Variants in MSN observed in about 807,000 individuals in gnomAD.
The protein encoded by MSN is moesin, also known as epididymis luminal protein 70.
In MSN, 2 loss-of-function variants were observed where a neutral mutation model predicts 48.0. That is an observed-to-expected ratio of 0.04 (90% CI 0.02 to 0.13). The LOEUF is 0.13. Ranked by LOEUF, MSN falls within the 10% of genes least tolerant of loss-of-function variation. The pLI is 1.00. For missense variants in MSN, 267 were observed against 470.1 expected (o/e 0.57, Z 3.99); for synonymous variants, 146 against 166.9 (o/e 0.87, Z 0.97).
Position 65,618,979 on chromosome X carries a change from C to T in MSN, c.-22+30367C>T, listed in dbSNP as rs1482661086. Reference sequence around the variant, plus strand: ...CCTTCACTTATGAAGCTTAGTTTGGCTGGATATGAAATTCTGGGTTGAAAA... The same window carrying T: ...CCTTCACTTATGAAGCTTAGTTTGGTTGGATATGAAATTCTGGGTTGAAAA... On this transcript the variant is annotated intron_variant, in intron 1 of 3. Transcript: ENST00000609672. Among the ~76,000 whole-genome samples, 21 of 104,622 alleles carry T rather than the reference C, an allele frequency of 2.0e-4. No individual in the cohort carries two copies. The East Asian group carries it at 2.4e-3, about 12-fold the overall frequency. 90.9% of individuals were successfully genotyped at this position (104,622 alleles called of 115,157 possible).
intron 1 of MSN, among the ~76,000 whole-genome samples, chrX:65,688,683 T>G (rs1257117882): frequency 8.9e-6 from 1 of 112,052 alleles, no homozygotes; most frequent in Non-Finnish European, 1.9e-5. Flanking sequence ...GTCTCTCTTC[T>G]AAATATTGTA....
intron 1 of MSN, among the ~76,000 whole-genome samples, chrX:65,715,371 G>A (rs1232359001): frequency 8.9e-6 from 1 of 111,913 alleles, no homozygotes; most frequent in African/African-American, 3.3e-5. Context: ...GTCATTGGTA[G>A]TTTGATAGGA....
At chrX:65,611,926 T>C (rs2070323697) in intron 1 of MSN, among the ~76,000 whole-genome samples, 1 of 112,298 alleles carries the variant, frequency 8.9e-6, no homozygotes, top group Non-Finnish European at 1.9e-5. Context: ...GGTAGCTCAT[T>C]GTGGGTTTGT....
At chrX:65,736,756 G>A (rs1025476286) in intron 8 of MSN, 39 bp from the exon 9 acceptor site, 52 of 1,155,842 alleles carry the variant, frequency 4.5e-5, no homozygotes, top group Middle Eastern at 2.5e-4. Flanking sequence ...TTTGTGGAGC[G>A]TTGTTATCCT....
At chrX:65,638,698 G>T (rs1161973422) in intron 1 of MSN, among the ~76,000 whole-genome samples, 2 of 112,532 alleles carry the variant, frequency 1.8e-5, no homozygotes, top group African/African-American at 6.5e-5. Context: ...GGGATTAGAA[G>T]TGTGCGCCCA....
intron 1 of MSN, among the ~76,000 whole-genome samples, chrX:65,619,881 T>A (rs2070417810): frequency 9.1e-6 from 1 of 109,319 alleles, no homozygotes. Flanking sequence ...TACAGATGGG[T>A]TTTTGGTGTG....
At chrX:65,590,195 G>C (rs61034729) in intron 1 of MSN, among the ~76,000 whole-genome samples, 1 of 111,268 alleles carries the variant, frequency 9.0e-6, no homozygotes, top group Non-Finnish European at 1.9e-5. Context: ...GCACTGCCCT[G>C]CCAACATTTG....
At chrX:65,733,114 C>A in intron 6 of MSN, 70 bp from the exon 7 acceptor site, 1 of 811,752 alleles carries the variant, frequency 1.2e-6, no homozygotes, top group South Asian at 2.5e-5. Flanking sequence ...ACAGTGAGGG[C>A]AAGCCCCCAG....
intron 2 of MSN, among the ~76,000 whole-genome samples, chrX:65,720,762 C>G (rs2071508974): frequency 8.9e-6 from 1 of 111,774 alleles, no homozygotes; most frequent in African/African-American, 3.3e-5. Flanking sequence ...AGAGAGGAAG[C>G]CAACCAGAGA....
chrX:65,722,789 A>G (rs1427684861), intron 2 of MSN, among the ~76,000 whole-genome samples: 1 of 110,042 alleles, frequency 9.1e-6, no homozygotes. Context: ...TGGGGGATTC[A>G]AGAAGAGAAT....
intron 1 of MSN, among the ~76,000 whole-genome samples, chrX:65,631,701 G>A (rs1479285144): frequency 9.0e-6 from 1 of 111,240 alleles, no homozygotes; most frequent in Non-Finnish European, 1.9e-5. Context: ...TTGAGACAGG[G>A]TCTCACTCTG....
At chrX:65,651,129 GA>G (rs923216143) in intron 1 of MSN, among the ~76,000 whole-genome samples, 1 of 110,377 alleles carries the variant, frequency 9.1e-6, no homozygotes, top group African/African-American at 3.3e-5. Flanking sequence ...AATAGGTTTT[GA>G]AAATTAGAGG....
intron 1 of MSN, among the ~76,000 whole-genome samples, chrX:65,626,186 C>T (rs1034019716): frequency 9.0e-6 from 1 of 111,235 alleles, no homozygotes; most frequent in African/African-American, 3.3e-5. Context: ...GATCTCCTGA[C>T]ATTGTGATCC....
chrX:65,737,046 A>G, intron 9 of MSN, 121 bp downstream of exon 9: 1 of 1,119,415 alleles, frequency 8.9e-7, no homozygotes, highest in Admixed American at 2.6e-5. Context: ...GACTAGAAGA[A>G]GAATGGGCAA....
At position 65,632,223 on chromosome X, in the gene MSN, C is replaced by G. The variant is rs142778634; in HGVS notation, c.-22+43611C>G. 1.0e-3 allele frequency among the ~76,000 whole-genome samples: 116 copies of G among 111,693 alleles called. 1 individual carries two copies. The East Asian group carries it at 0.025, about 24-fold the overall frequency. ...GGAGTGAATGGATTAATGCTGTTATCGTGGGAGTGGGCTCATTATAAAAGG... is the reference window on the plus strand; with the variant it reads ...GGAGTGAATGGATTAATGCTGTTATGGTGGGAGTGGGCTCATTATAAAAGG... On this transcript the variant is annotated intron_variant, in intron 1 of 3. Transcript: ENST00000609672.
chrX:65,661,694 A>C (rs887467318), intron 1 of MSN, among the ~76,000 whole-genome samples: 1 of 111,938 alleles, frequency 8.9e-6, no homozygotes, highest in Non-Finnish European at 1.9e-5. Context: ...AACTGGTACC[A>C]GTTTTTCTCA....
At chrX:65,724,711 G>A (rs1023478055) in intron 2 of MSN, among the ~76,000 whole-genome samples, 11 of 111,232 alleles carry the variant, frequency 9.9e-5, no homozygotes, top group Non-Finnish European at 2.1e-4. Context: ...GTTTTTGACA[G>A]TGTCTTGTTC....
chrX:65,722,436 T>TGTGTGTGTGTGTG (rs1258342934), intron 2 of MSN, among the ~76,000 whole-genome samples: 1 of 109,297 alleles, frequency 9.1e-6, no homozygotes, highest in African/African-American at 3.3e-5. Flanking sequence ...TGTGTGTGTG[T>TGTGTGTGTGTGTG]GTGTGTTTGG....
At chrX:65,713,448 A>T (rs1233422421) in intron 1 of MSN, among the ~76,000 whole-genome samples, 2 of 111,630 alleles carry the variant, frequency 1.8e-5, no homozygotes, top group Non-Finnish European at 3.8e-5. Context: ...AACCACCGAC[A>T]TCAGCACTGA....
Sources: gnomAD v4.1 joint callset for allele counts (sites outside exome capture counted in the v4.1 genomes callset) on GRCh38, gnomAD v4.1.1 for gene constraint, MANE v1.5 for transcripts, NCBI Gene and HGNC (gene_info 2026-07-23, HGNC 2026-07-21) for gene names.